Variants in ULK1 observed in about 807,000 individuals in gnomAD.
ULK1 encodes serine/threonine-protein kinase ULK1.
In ULK1, 48 loss-of-function variants were observed where a neutral mutation model predicts 117.5. The ratio of observed to expected loss-of-function variants is 0.41; its 90% CI spans 0.32 to 0.52. The LOEUF (loss-of-function observed/expected upper bound fraction) is 0.52, where lower values mean the gene tolerates loss of function less well. Among genes scored for constraint, ULK1 ranks in the 20% least tolerant of loss-of-function variants. ULK1 has a pLI of 0.29. For synonymous variants in ULK1, 790 were observed against 637.8 expected (o/e 1.24, Z -3.60); for missense variants, 1,387 against 1,473.4 (o/e 0.94, Z 0.96).
rs1234749871 is a variant in ULK1 at position 131,909,828 on chromosome 12, C to G, written c.720C>G (p.Val240=). The stretch of plus-strand genomic sequence containing the variant: ...TCTACGAGAAGAACAAGACGTTGGT[C>G]CCCACGTAAGCACCCTCCCGCCTTC... ...RLFYEKNKTL[V]PTIPRETSAP... Residue 240 remains valine, a synonymous_variant, in exon 9 of 28, where the codon GTC becomes GTG. Transcript: ENST00000321867. 1.2e-6 allele frequency: 2 copies of G among 1,611,674 alleles called. No individual in the cohort carries two copies. The highest frequency in any genetic ancestry group is 4.5e-5 in the East Asian group (2 of 44,834).
intron 14 of ULK1, 150 bp from the exon 15 acceptor site, chr12:131,913,597 C>G (rs12227122): frequency 0.14 from 77,144 of 554,356 alleles, 8,994 homozygotes; most frequent in East Asian, 0.57. Flanking sequence ...CCCAGCTACT[C>G]GGGAGGCTGA....
intron 23 of ULK1, among the ~76,000 whole-genome samples, chr12:131,918,907 AGGGT>A (rs1890010711): frequency 9.1e-4 from 4 of 4,376 alleles, no homozygotes; most frequent in East Asian, 9.1e-3. Context: ...TGTGGGGTGT[AGGGT>A]GTGTGGGGTG....
In ULK1 at chr12:131,920,557, C is replaced by T. The variant is rs1890108732; in HGVS notation, c.2961+421C>T. On this transcript the variant is annotated intron_variant, in intron 26 of 27. Coordinates refer to ENST00000321867, the MANE Select transcript of ULK1 (RefSeq NM_003565.4). The stretch of plus-strand genomic sequence containing the variant: ...CTCCCTCTGCCTCTGAGGTGGTGCC[C>T]CCTTTTCGTTTATTTTTTGTTGTTT... The T allele has an allele frequency of 2.4e-5, 5 of 207,826 alleles. No homozygotes were observed. In the South Asian group the frequency reaches 4.6e-4, roughly 19 times the overall value. The allele number at this position is 207,826 out of a possible 1,614,324, so 12.9% of individuals were successfully genotyped here.
intron 27 of ULK1, 32 bp from the exon 28 acceptor site, chr12:131,921,274 C>T (rs755146168): frequency 9.3e-6 from 15 of 1,607,930 alleles, no homozygotes; most frequent in South Asian, 2.2e-5. Context: ...GGACTCTGGG[C>T]GTCTCCCTCA....
At chr12:131,898,646 C>T (rs995702250) in intron 3 of ULK1, among the ~76,000 whole-genome samples, 43 of 151,726 alleles carry the variant, frequency 2.8e-4, no homozygotes, top group African/African-American at 9.4e-4. Flanking sequence ...GGATTACAGG[C>T]GCCTGCCACC....
At position 131,915,135 on chromosome 12, in the gene ULK1, G is replaced by C; in HGVS notation, c.1426G>C (p.Ala476Pro). ...CACCAGCCCCCTGGGCTTTGCAAGGGCCAGCCCCTCGCCCCCTGCCCACGC... is the reference window on the plus strand; with the variant it reads ...CACCAGCCCCCTGGGCTTTGCAAGGCCCAGCCCCTCGCCCCCTGCCCACGC... ...GSTSPLGFAR[A>P]SPSPPAHAEH... The change falls in exon 17 of 28, where the codon GCC (alanine) becomes CCC (proline). Residue 476 changes from alanine to proline, a missense_variant. Physicochemically the swap from Ala to Pro is conservative, Grantham distance 27. Transcript: ENST00000321867. 1 of 1,603,868 alleles carries C rather than the reference G, an allele frequency of 6.2e-7. No homozygotes were observed. The highest frequency in any genetic ancestry group is 8.5e-7 in the Non-Finnish European group (1 of 1,175,342).
chr12:131,895,658 C>G lies in ULK1; in HGVS notation c.169C>G (p.Gln57Glu). Residue 57 changes from glutamine (Q) to glutamate (E), a missense_variant, in exon 2 of 28, where the codon CAG becomes GAG. Physicochemically the swap from Gln to Glu is conservative, Grantham distance 29. Transcript: ENST00000321867. ...CINKKNLAKSQTLLGKEIKIL... is the reference protein window; with the variant it reads ...CINKKNLAKSETLLGKEIKIL... ...TAACAAGAAGAACCTCGCCAAGTCT[C>G]AGACGCTGCTGGGGAAGGAAATCAA... The G allele has an allele frequency of 6.2e-7, 1 of 1,614,142 alleles. No homozygotes were observed. Among genetic ancestry groups the G allele is most frequent in the Non-Finnish European group, 8.5e-7 (1 of 1,180,008 alleles).
rs961558565 is a variant in ULK1, at chr12:131,903,674, C to G, written c.247-3218C>G. 1.3e-5 allele frequency among the ~76,000 whole-genome samples: 2 copies of G among 152,148 alleles called. No individual in the cohort carries two copies. The highest frequency in any genetic ancestry group is 4.8e-5 in the African/African-American group (2 of 41,444). On this transcript the variant is annotated intron_variant, in intron 3 of 27. Transcript: ENST00000321867. This position sits in a 1 kb window ranked among gnomAD's most constrained non-coding sequence, Gnocchi z 6.0. ...CCCCCACCCTACCCTGCAGCCCCACCCCCAGTGGCCTTGAGTCACCTGCTG... is the reference window on the plus strand; with the variant it reads ...CCCCCACCCTACCCTGCAGCCCCACGCCCAGTGGCCTTGAGTCACCTGCTG...
At chr12:131,914,233 G>C (rs1593270199) in intron 15 of ULK1, 119 bp from the exon 16 acceptor site, 2 of 1,480,864 alleles carry the variant, frequency 1.4e-6, no homozygotes, top group Non-Finnish European at 1.8e-6. Flanking sequence ...GGGTCTCAGG[G>C]TGGCCTCTGC....
intron 25 of ULK1, 45 bp from the exon 26 acceptor site, chr12:131,919,934 C>T: frequency 6.3e-7 from 1 of 1,595,870 alleles, no homozygotes; most frequent in Non-Finnish European, 8.6e-7. Flanking sequence ...CCAGCCCTGC[C>T]CCGTGTCTGC....
In ULK1 at chr12:131,921,208, C is replaced by G; in HGVS notation, c.3070C>G (p.Gln1024Glu). The G allele has an allele frequency of 3.1e-6, 5 of 1,606,898 alleles. No homozygotes were observed. The highest frequency in any genetic ancestry group is 4.2e-6 in the Non-Finnish European group (5 of 1,179,858). The change falls in exon 27 of 28, where the codon CAG (glutamine) becomes GAG (glutamate). Residue 1024 changes from glutamine to glutamate, a missense_variant. By Grantham distance (29) the Gln-to-Glu change is conservative. This residue lies in a region of ULK1 where 900 missense variants were observed against 858.9 expected (regional missense o/e 1.05). Transcript: ENST00000321867. ...LEGLQHMLSD[Q>E]ADIENVTKCK... ...GGGGCTGCAGCACATGCTCTCGGAC[C>G]AGGCCGACATCGAGAACGTCACCAA...
rs1339254129 is a variant in ULK1, at chr12:131,915,776, G to C, written c.1610-115G>C. The stretch of plus-strand genomic sequence containing the variant: ...AGGGCGAGACCCCGTCTCAACAAAA[G>C]AAAAAGAGTGGGGCCTTGGAGTGCG... On this transcript the variant is annotated intron_variant, in intron 18 of 27. Coordinates refer to ENST00000321867, the MANE Select transcript of ULK1 (RefSeq NM_003565.4). 4.9e-6 allele frequency: 7 copies of C among 1,438,370 alleles called. No homozygotes were observed. The East Asian group carries it at 6.9e-5, about 14-fold the overall frequency. The allele number at this position is 1,438,370 out of a possible 1,614,324, so 89.1% of individuals were successfully genotyped here.
intron 25 of ULK1, 116 bp downstream of exon 25, chr12:131,919,706 C>T: frequency 1.6e-6 from 2 of 1,269,764 alleles, no homozygotes; most frequent in Non-Finnish European, 2.2e-6. Context: ...TGCAGAGGTG[C>T]AGAGGCCCCG....
intron 7 of ULK1, 23 bp from the exon 8 acceptor site, chr12:131,909,113 T>C (rs779442736): frequency 6.2e-7 from 1 of 1,601,116 alleles, no homozygotes. Flanking sequence ...GGCCTCACAC[T>C]GACCCGACTT....
chr12:131,920,142 G>A lies in ULK1; in HGVS notation c.2961+6G>A. 1 of 1,610,374 alleles carries A rather than the reference G, an allele frequency of 6.2e-7. No homozygotes were observed. Among genetic ancestry groups the A allele is most frequent in the Non-Finnish European group, 8.5e-7 (1 of 1,177,950 alleles). ...TCAGCCACGCTGTGCAGATGGTACG[G>A]GACAGACAGACACCAGTGGGGCAGG... On this transcript the variant is annotated splice_donor_region_variant and intron_variant, in intron 26 of 27. Transcript: ENST00000321867.
intron 7 of ULK1, 51 bp from the exon 8 acceptor site, chr12:131,909,085 C>A (rs1039237766): frequency 5.0e-6 from 8 of 1,602,784 alleles, no homozygotes; most frequent in Non-Finnish European, 6.8e-6. Flanking sequence ...CGGGCACCTT[C>A]TGTGGTTGGC....
chr12:131,906,219 A>G (rs1364395502), intron 3 of ULK1, among the ~76,000 whole-genome samples: 56 of 151,880 alleles, frequency 3.7e-4, no homozygotes, highest in Admixed American at 3.7e-3. Flanking sequence ...TTAGCCTCCT[A>G]AGTAGCTGGG....
Position 131,916,002 on chromosome 12 carries a change from C to G in ULK1, c.1721C>G (p.Pro574Arg), listed in dbSNP as rs148651967. Residue 574 changes from proline to arginine, a missense_variant, in exon 19 of 28, where the codon CCC becomes CGC. Pro to Arg is a moderately radical substitution (Grantham distance 103). Around this residue, in one of 4 missense-constraint regions of ULK1, gnomAD observed 900 missense variants for 858.9 expected, o/e 1.05. Transcript: ENST00000321867. ...HVVRPKLPKP[P>R]TDPLGAVFSP... ...GTCCGCCCCAAGCTGCCCAAACCCC[C>G]CACGGACCCCCTGGGAGCTGTGTTC... 2.1e-3 allele frequency: 3,419 copies of G among 1,612,376 alleles called. 8 individuals carry two copies. Among genetic ancestry groups the G allele is most frequent in the Non-Finnish European group, 2.7e-3 (3,229 of 1,179,758 alleles).
At chr12:131,916,247 C>G in intron 19 of ULK1, 88 bp downstream of exon 19, 1 of 1,538,766 alleles carries the variant, frequency 6.5e-7, no homozygotes, top group African/African-American at 1.4e-5. Flanking sequence ...CCGAGGAAGG[C>G]AGCTCTGTAC....
Sources: gnomAD v4.1 joint callset for allele counts (sites outside exome capture counted in the v4.1 genomes callset) on GRCh38, gnomAD v4.1.1 for gene constraint, gnomAD v4.1.1 regional missense constraint, Gnocchi (gnomAD v3.1) non-coding constraint, MANE v1.5 for transcripts, NCBI Gene and HGNC (gene_info 2026-07-23, HGNC 2026-07-21) for gene names.